The following BUB1 variants were observed in gnomAD, a reference collection of about 807,000 sequenced individuals.
BUB1 encodes the protein mitotic checkpoint serine/threonine-protein kinase BUB1.
In BUB1, 84 loss-of-function variants were observed where a neutral mutation model predicts 135.2. The ratio of observed to expected loss-of-function variants is 0.62; its 90% CI spans 0.52 to 0.74. BUB1 has a LOEUF of 0.74. Among genes scored for constraint, BUB1 ranks in the 30% least tolerant of loss-of-function variants. The pLI is 0.00. For synonymous variants in BUB1, 403 were observed against 434.4 expected, an observed-to-expected ratio of 0.93 and a Z score of 0.90; for missense variants, 1,162 against 1,288.3, an observed-to-expected ratio of 0.90 and a Z score of 1.50.
intron 9 of BUB1, among the ~76,000 whole-genome samples, chr2:110,665,270 C>A (rs1342494871): frequency 6.6e-6 from 1 of 152,072 alleles, no homozygotes; most frequent in African/African-American, 2.4e-5. Flanking sequence ...CAAACTATAG[C>A]AGTTAGCAAT....
intron 19 of BUB1, 47 bp from the exon 20 acceptor site, chr2:110,642,281 A>T (rs1689526526): frequency 2.3e-6 from 3 of 1,293,918 alleles, no homozygotes; most frequent in Non-Finnish European, 3.3e-6. Flanking sequence ...CTTTTATTTT[A>T]AATAGTTTTC....
intron 19 of BUB1, chr2:110,649,021 C>T (rs748748518): frequency 6.4e-5 from 25 of 389,738 alleles, no homozygotes; most frequent in Non-Finnish European, 9.5e-5. Context: ...GCAAATTGCC[C>T]TCTATGAGTT....
chr2:110,666,356 T>A lies in BUB1; in HGVS notation c.864A>T (p.Leu288=). 1 of 1,540,828 alleles carries A rather than the reference T, an allele frequency of 6.5e-7. No homozygotes were observed. Among genetic ancestry groups the A allele is most frequent in the Non-Finnish European group, 8.8e-7 (1 of 1,142,054 alleles). The stretch of plus-strand genomic sequence containing the variant: ...GAAGTTCATCCATTTTCTGTTTTAA[T>A]AGCTGTTCTTCAAAAGCATTTGCTT... ...RKEANAFEEQ[L]LKQKMDELHK... The change falls in exon 9 of 25, where the codon CTA becomes CTT. Residue 288 remains leucine (L), a synonymous_variant. Coordinates refer to ENST00000302759, the MANE Select transcript of BUB1 (RefSeq NM_004336.5).
chr2:110,639,624 C>T, intron 24 of BUB1, 118 bp downstream of exon 24: 2 of 814,388 alleles, frequency 2.5e-6, no homozygotes, highest in Admixed American at 4.6e-5. Flanking sequence ...CACCATATTG[C>T]CCAAGGCATA....
rs1277799964 is a variant in BUB1, at chr2:110,650,435, A to T, written c.2203+111T>A. 3 of 945,302 alleles carry T rather than the reference A, an allele frequency of 3.2e-6. No homozygotes were observed. The East Asian group carries it at 7.4e-5, about 23-fold the overall frequency. The allele number at this position is 945,302 out of a possible 1,614,324, so 58.6% of individuals were successfully genotyped here. A position where few individuals can be genotyped will look rare whatever the true frequency, so the allele number is the denominator to read the frequency against. The stretch of plus-strand genomic sequence containing the variant: ...GCAAGTTTCATCTGAACTCACTGAC[A>T]TCTGTTCTACTCAGTGACATTCAAG... On this transcript the variant is annotated intron_variant, in intron 18 of 24. Coordinates refer to ENST00000302759, the MANE Select transcript of BUB1 (RefSeq NM_004336.5).
chr2:110,646,987 G>C (rs1488491374), intron 19 of BUB1, among the ~76,000 whole-genome samples: 1 of 152,070 alleles, frequency 6.6e-6, no homozygotes, highest in Non-Finnish European at 1.5e-5. Context: ...GCCCACAAAA[G>C]AGAAATAGAT....
At chr2:110,659,950 A>G in intron 11 of BUB1, 28 bp downstream of exon 11, 1 of 1,591,416 alleles carries the variant, frequency 6.3e-7, no homozygotes, top group Non-Finnish European at 8.6e-7. Context: ...ATCTGGACAG[A>G]AACACATTTA....
At chr2:110,641,489 C>T in intron 21 of BUB1, 25 bp from the exon 22 acceptor site, 1 of 1,589,200 alleles carries the variant, frequency 6.3e-7, no homozygotes, top group Non-Finnish European at 8.6e-7. Context: ...AAGTGGAATC[C>T]TGAGTTAGTT....
intron 4 of BUB1, among the ~76,000 whole-genome samples, chr2:110,671,109 G>A (rs1454128283): frequency 6.6e-6 from 1 of 152,176 alleles, no homozygotes; most frequent in Non-Finnish European, 1.5e-5. Flanking sequence ...AGCGATGCGA[G>A]CCAAAGTGCA....
chr2:110,653,717 A>G (rs1203583031), intron 16 of BUB1, among the ~76,000 whole-genome samples, 194 bp from the exon 17 acceptor site: 1 of 152,156 alleles, frequency 6.6e-6, no homozygotes, highest in Non-Finnish European at 1.5e-5. Flanking sequence ...AAAAAAATCC[A>G]CTACTGGCCA....
In BUB1 at chr2:110,641,773, A is replaced by G; in HGVS notation, c.2494T>C (p.Tyr832His). 1.2e-6 allele frequency: 2 copies of G among 1,608,130 alleles called. No individual in the cohort carries two copies. Among genetic ancestry groups the G allele is most frequent in the Non-Finnish European group, 1.7e-6 (2 of 1,179,924 alleles). Residue 832 changes from tyrosine to histidine, a missense_variant, in exon 21 of 25, where the codon TAC becomes CAC. Physicochemically the swap from Tyr to His is moderately conservative, Grantham distance 83 (BLOSUM62 2). Transcript: ENST00000302759. ...VQKPANPWEF[Y>H]IGTQLMERLK... Reference sequence around the variant, plus strand: ...CTTTCCATCAACTGGGTCCCAATGTAGAATTCCCAGGGGTTGGCAGGCTTT... The same window carrying G: ...CTTTCCATCAACTGGGTCCCAATGTGGAATTCCCAGGGGTTGGCAGGCTTT...
chr2:110,638,658 G>C (rs183201010), intron 24 of BUB1, among the ~76,000 whole-genome samples: 1 of 152,360 alleles, frequency 6.6e-6, no homozygotes, highest in East Asian at 1.9e-4. Flanking sequence ...GTGTTGGAGA[G>C]AAAGTAGAAT....
chr2:110,672,733 T>C lies in BUB1; in HGVS notation c.350A>G (p.His117Arg), dbSNP rs766719506. ...TCCTCTCTGAAGGACAGCACTGGCA[T>C]GCTGCAGCTCTCCTTGGGCTTCCAG... ...GHLEAQGELQ[H>R]ASAVLQRGIQ... The change falls in exon 4 of 25, where the codon CAT becomes CGT. Residue 117 changes from histidine to arginine, a missense_variant. Coordinates refer to ENST00000302759, the MANE Select transcript of BUB1 (RefSeq NM_004336.5). 2 of 1,614,126 alleles carry C rather than the reference T, an allele frequency of 1.2e-6. No individual in the cohort carries two copies. The highest frequency in any genetic ancestry group is 1.7e-5 in the Admixed American group (1 of 59,992).
intron 16 of BUB1, among the ~76,000 whole-genome samples, chr2:110,654,965 A>G (rs1043093662): frequency 5.9e-5 from 9 of 152,184 alleles, no homozygotes; most frequent in Non-Finnish European, 1.0e-4. Flanking sequence ...TGCAGGGTCA[A>G]CTATGGAACT....
rs141100623 is a variant in BUB1 at position 110,668,289 on chromosome 2, A to T, written c.568-440T>A. On this transcript the variant is annotated intron_variant, in intron 6 of 24. Coordinates refer to ENST00000302759, the MANE Select transcript of BUB1 (RefSeq NM_004336.5). Reference sequence around the variant, plus strand: ...TTCCTTCACTAAACAAATATTTGCCAGACACCTCCATGTCACACTCTGAGC... The same window carrying T: ...TTCCTTCACTAAACAAATATTTGCCTGACACCTCCATGTCACACTCTGAGC... 3.9e-4 allele frequency among the ~76,000 whole-genome samples: 59 copies of T among 152,220 alleles called. No individual in the cohort carries two copies. In the East Asian group the frequency reaches 0.011, roughly 29 times the overall value.
chr2:110,642,267 ACGC>A, intron 19 of BUB1, 33 bp from the exon 20 acceptor site: 1 of 1,395,892 alleles, frequency 7.2e-7, no homozygotes, highest in Non-Finnish European at 9.9e-7. Context: ...TAATTTATGT[ACGC>A]CTTTTATTTT....
At chr2:110,673,233 T>C (rs1235798851) in intron 3 of BUB1, among the ~76,000 whole-genome samples, 1 of 152,196 alleles carries the variant, frequency 6.6e-6, no homozygotes, top group Non-Finnish European at 1.5e-5. Flanking sequence ...CCCAATACCT[T>C]GCCCTAAACA....
At chr2:110,665,454 G>A (rs905630300) in intron 9 of BUB1, among the ~76,000 whole-genome samples, 1 of 151,942 alleles carries the variant, frequency 6.6e-6, no homozygotes, top group Non-Finnish European at 1.5e-5. Flanking sequence ...GGTGGCACAT[G>A]CCTGTGGTTG....
At chr2:110,658,767 G>A in intron 11 of BUB1, 25 bp from the exon 12 acceptor site, 2 of 1,613,308 alleles carry the variant, frequency 1.2e-6, no homozygotes, top group Non-Finnish European at 8.5e-7. Flanking sequence ...GAGACAAAAT[G>A]TGGTATCAGT....
Sources: allele counts gnomAD v4.1 joint callset (sites outside exome capture counted in the v4.1 genomes callset), GRCh38; gene constraint gnomAD v4.1.1; transcripts MANE v1.5; gene names NCBI Gene and HGNC (gene_info 2026-07-23, HGNC 2026-07-21).